HMGCLL1: variants seen among roughly 807,000 people sequenced by gnomAD.
HMGCLL1 encodes 3-hydroxy-3-methylglutaryl-CoA lyase like 1, also known as 3-hydroxymethyl-3-methylglutaryl-CoA lyase, cytoplasmic.
Under a neutral mutation model 39.1 loss-of-function variants are expected in HMGCLL1, and 36 were observed. The ratio of observed to expected loss-of-function variants is 0.92; its 90% confidence interval spans 0.71 to 1.22. The LOEUF (loss-of-function observed/expected upper bound fraction) is 1.22, where lower values mean the gene tolerates loss of function less well. HMGCLL1 is among the 50% of genes most tolerant of loss of function. The pLI is 0.00. For synonymous variants in HMGCLL1, 149 were observed against 144.0 expected, an observed-to-expected ratio of 1.03 and a Z score of -0.25; for missense variants, 451 against 416.5, an observed-to-expected ratio of 1.08 and a Z score of -0.72.
In HMGCLL1 at chr6:55,467,227, G is replaced by A. The variant is rs147641959; in HGVS notation, c.796-27668C>T. Among the ~76,000 whole-genome samples the A allele has an allele frequency of 3.6e-4, 55 of 152,118 alleles. No homozygotes were observed. The East Asian group carries it at 8.9e-3, about 25-fold the overall frequency. ...TAATAAAGGTCTCACTTTAAGACAC[G>A]TGTAAAAACATTTATTCTATGTATT... On this transcript the variant is annotated intron_variant, in intron 7 of 8. Transcript: ENST00000274901.
At chr6:55,655,394 G>T in the HMGCLL1 span, among the ~76,000 whole-genome samples, 1 of 150,762 alleles carries the variant, frequency 6.6e-6, no homozygotes, top group African/African-American at 2.4e-5. Flanking sequence ...ATCCTGTCAT[G>T]CATACTATGG....
In HMGCLL1 at chr6:55,561,368, G is replaced by A. The variant is rs149020568; in HGVS notation, c.108+17580C>T. 3.4e-3 allele frequency among the ~76,000 whole-genome samples: 524 copies of A among 152,128 alleles called. 2 individuals are homozygous for A. Among genetic ancestry groups the A allele is most frequent in the African/African-American group, 0.012 (512 of 41,542 alleles). ...AAAACTGAGAAAAGAAACCCAATCT[G>A]CTAATTCCCAGCTGTTTGCTATATA... On this transcript the variant is annotated intron_variant, in intron 1 of 8. Coordinates refer to ENST00000274901, the MANE Select transcript of HMGCLL1 (RefSeq NM_001042406.2).
chr6:55,513,734 C>G, intron 5 of HMGCLL1: 1 of 332,072 alleles, frequency 3.0e-6, no homozygotes, highest in Non-Finnish European at 5.3e-6. Context: ...ACCAACTTAT[C>G]AGCACATGTA....
At chr6:55,655,331 A>G in the HMGCLL1 span, among the ~76,000 whole-genome samples, 3 of 151,052 alleles carry the variant, frequency 2.0e-5, no homozygotes, top group African/African-American at 7.3e-5. Flanking sequence ...TATTTCCCCC[A>G]ACCTCCATCC....
At chr6:55,644,667 A>C in the HMGCLL1 span, among the ~76,000 whole-genome samples, 1 of 151,860 alleles carries the variant, frequency 6.6e-6, no homozygotes, top group East Asian at 1.9e-4. Context: ...GTTTTCCCCA[A>C]TGTATGTTCT....
the HMGCLL1 span, among the ~76,000 whole-genome samples, chr6:55,641,697 G>A: frequency 9.2e-5 from 14 of 151,694 alleles, no homozygotes; most frequent in South Asian, 4.1e-4. Context: ...TAATAAATAC[G>A]TATTCTATAA....
At chr6:55,535,166 C>G (rs955836678) in intron 3 of HMGCLL1, among the ~76,000 whole-genome samples, 4 of 152,028 alleles carry the variant, frequency 2.6e-5, no homozygotes, top group African/African-American at 9.7e-5. Context: ...TCTCTGAGAC[C>G]AAATATTGGA....
At chr6:55,568,343 C>T (rs1200018011) in intron 1 of HMGCLL1, among the ~76,000 whole-genome samples, 1 of 152,118 alleles carries the variant, frequency 6.6e-6, no homozygotes, top group Admixed American at 6.5e-5. Context: ...GATTAGGCTC[C>T]ACCCTGCAGA....
chr6:55,627,444 A>C, the HMGCLL1 span, among the ~76,000 whole-genome samples: 9 of 151,932 alleles, frequency 5.9e-5, no homozygotes, highest in Admixed American at 5.9e-4. Flanking sequence ...TCTTCATTTT[A>C]AGATTATGTA....
the HMGCLL1 span, among the ~76,000 whole-genome samples, chr6:55,637,112 C>A: frequency 4.6e-5 from 7 of 152,076 alleles, no homozygotes; most frequent in Non-Finnish European, 8.8e-5. Flanking sequence ...TACCTTATTA[C>A]CATTTAAGAT....
chr6:55,448,978 GATATCAT>G, intron 7 of HMGCLL1, among the ~76,000 whole-genome samples: 1 of 152,100 alleles, frequency 6.6e-6, no homozygotes, highest in Non-Finnish European at 1.5e-5. Flanking sequence ...TTCTCAGAAT[GATATCAT>G]CTAAGTTTTG....
chr6:55,465,694 T>C (rs953704819), intron 7 of HMGCLL1, among the ~76,000 whole-genome samples: 1 of 152,084 alleles, frequency 6.6e-6, no homozygotes, highest in African/African-American at 2.4e-5. Flanking sequence ...TTTTTCTGTG[T>C]TCCTTAAGAA....
chr6:55,590,046 A>G, the HMGCLL1 span, among the ~76,000 whole-genome samples: 4 of 152,270 alleles, frequency 2.6e-5, no homozygotes, highest in South Asian at 8.3e-4. Context: ...GAATTGAAAA[A>G]AACTACTTTA....
chr6:55,506,723 T>G (rs1767183574), intron 5 of HMGCLL1, among the ~76,000 whole-genome samples: 1 of 151,720 alleles, frequency 6.6e-6, no homozygotes, highest in Non-Finnish European at 1.5e-5. Flanking sequence ...GTAACACTTA[T>G]TTTACTTAAT....
At chr6:55,510,706 G>A (rs2127434171) in intron 5 of HMGCLL1, among the ~76,000 whole-genome samples, 1 of 150,170 alleles carries the variant, frequency 6.7e-6, no homozygotes, top group Non-Finnish European at 1.5e-5. Context: ...ATGAGTTAAT[G>A]GGTGCAGCAC....
chr6:55,552,311 C>T (rs967546449), intron 1 of HMGCLL1, among the ~76,000 whole-genome samples: 3 of 151,942 alleles, frequency 2.0e-5, no homozygotes, highest in Non-Finnish European at 2.9e-5. Context: ...AATAGTAATT[C>T]AATATGGCAG....
chr6:55,435,543 C>A lies in HMGCLL1; in HGVS notation c.*119G>T, dbSNP rs1253613286. ...GTTATAATCTTTTTGAAAAGGATCT[C>A]TTTTTTCCCACTCTTGTCCATTACT... On this transcript the variant is annotated 3_prime_UTR_variant, in exon 9 of 9. Transcript: ENST00000274901. 2.0e-6 allele frequency: 1 copy of A among 498,728 alleles called. No individual in the cohort carries two copies. Among genetic ancestry groups the A allele is most frequent in the African/African-American group, 2.1e-5 (1 of 48,394 alleles). The allele number at this position is 498,728 out of a possible 1,614,324, so 30.9% of individuals were successfully genotyped here. A position where few individuals can be genotyped will look rare whatever the true frequency, so the allele number is the denominator to read the frequency against.
At chr6:55,480,861 T>G (rs1015743085) in intron 7 of HMGCLL1, among the ~76,000 whole-genome samples, 2 of 152,112 alleles carry the variant, frequency 1.3e-5, no homozygotes, top group African/African-American at 2.4e-5. Flanking sequence ...GTCATTATGT[T>G]AAGTGAAATA....
the HMGCLL1 span, among the ~76,000 whole-genome samples, chr6:55,635,305 C>G: frequency 6.6e-6 from 1 of 152,034 alleles, no homozygotes; most frequent in Non-Finnish European, 1.5e-5. Context: ...ACACTTATAT[C>G]ACTAAGAGAA....
Sources: allele counts gnomAD v4.1 joint callset (sites outside exome capture counted in the v4.1 genomes callset), GRCh38; gene constraint gnomAD v4.1.1; transcripts MANE v1.5; gene names NCBI Gene and HGNC (gene_info 2026-07-23, HGNC 2026-07-21).